Variants in BMP15 observed in about 807,000 individuals in gnomAD.
The protein encoded by BMP15 is growth/differentiation factor 9B.
A neutral mutation model predicts 4.4 loss-of-function variants in BMP15; 5 were observed. The ratio of observed to expected loss-of-function variants is 1.13; its 90% CI spans 0.59 to 2.38. The LOEUF is 2.38. BMP15 is among the 30% of genes most tolerant of loss of function. The pLI is 0.01. For missense variants in BMP15, 339 were observed against 309.8 expected, an observed-to-expected ratio of 1.09 and a Z score of -0.71; for synonymous variants, 125 against 114.6, an observed-to-expected ratio of 1.09 and a Z score of -0.58.
chrX:50,911,227 C>T (rs185515441), intron 1 of BMP15, 116 bp downstream of exon 1: 1 of 911,406 alleles, frequency 1.1e-6, no homozygotes, highest in Admixed American at 2.6e-5. Flanking sequence ...CAGGTTGTTT[C>T]TTTAGGCTTG....
rs782073370 is a variant in BMP15 at position 50,916,250 on chromosome X, T to G, written c.822T>G (p.Ala274=). The G allele has an allele frequency of 9.1e-6, 11 of 1,209,117 alleles. No individual in the cohort carries two copies. The highest frequency in any genetic ancestry group is 1.1e-5 in the Non-Finnish European group (10 of 894,961). ...RRTRQADGIS[A]EVTASSSKHS... Reference sequence around the variant, plus strand: ...CCCGACAAGCAGATGGTATCTCAGCTGAGGTTACTGCCTCTTCCTCAAAAC... The same window carrying G: ...CCCGACAAGCAGATGGTATCTCAGCGGAGGTTACTGCCTCTTCCTCAAAAC... The change falls in exon 2 of 2, where the codon GCT becomes GCG. Residue 274 remains alanine, a synonymous_variant. Transcript: ENST00000252677.
At chrX:50,913,419 C>T (rs1221247692) in intron 1 of BMP15, among the ~76,000 whole-genome samples, 1 of 110,816 alleles carries the variant, frequency 9.0e-6, no homozygotes, top group Non-Finnish European at 1.9e-5. Context: ...CATGATTGTG[C>T]CACTGCACTC....
Position 50,915,878 on chromosome X carries a change from C to T in BMP15, c.450C>T (p.Cys150=), listed in dbSNP as rs782420643. The change falls in exon 2 of 2, where the codon TGC becomes TGT. Residue 150 remains cysteine (C), a synonymous_variant. Coordinates refer to ENST00000252677, the MANE Select transcript of BMP15 (RefSeq NM_005448.2). The part of the protein sequence containing the change: ...HLQLTRFNLS[C]HVEPWVQKNP... The stretch of plus-strand genomic sequence containing the variant: ...AACTAACTCGCTTCAATCTCTCCTG[C>T]CATGTGGAGCCCTGGGTGCAGAAAA... 2.5e-6 allele frequency: 3 copies of T among 1,211,461 alleles called. No individual in the cohort carries two copies. Among genetic ancestry groups the T allele is most frequent in the Non-Finnish European group, 1.1e-6 (1 of 895,437 alleles).
At position 50,914,182 on chromosome X, in the gene BMP15, G is replaced by A. The variant is rs782232335; in HGVS notation, c.329-1575G>A. 3.6e-5 allele frequency among the ~76,000 whole-genome samples: 4 copies of A among 111,506 alleles called. No individual in the cohort carries two copies. The South Asian group carries it at 1.5e-3, about 42-fold the overall frequency. On this transcript the variant is annotated intron_variant, in intron 1 of 1. Transcript: ENST00000252677. Reference sequence around the variant, plus strand: ...AGGCAGGGTGTCACCATGTTGGCCAGGCTGGTCTCAAACTCCTGACCTCAG... The same window carrying A: ...AGGCAGGGTGTCACCATGTTGGCCAAGCTGGTCTCAAACTCCTGACCTCAG...
intron 1 of BMP15, among the ~76,000 whole-genome samples, chrX:50,915,378 A>G: frequency 9.0e-6 from 1 of 111,113 alleles, no homozygotes; most frequent in Middle Eastern, 4.6e-3. Flanking sequence ...TCTATATTTG[A>G]GTTTTTTCCC....
Position 50,916,513 on chromosome X carries a change from A to G in BMP15, c.1085A>G (p.Tyr362Cys). The G allele has an allele frequency of 8.3e-7, 1 of 1,211,459 alleles. No homozygotes were observed. The highest frequency in any genetic ancestry group is 1.1e-6 in the Non-Finnish European group (1 of 895,359). The change falls in exon 2 of 2, where the codon TAT (tyrosine) becomes TGT (cysteine). Residue 362 changes from tyrosine to cysteine, a missense_variant. Tyr to Cys is a radical substitution (Grantham distance 194). Transcript: ENST00000252677. ...VPRPSCVPYK[Y>C]VPISVLMIEA... The stretch of plus-strand genomic sequence containing the variant: ...CGGCCCTCCTGTGTCCCGTATAAGT[A>G]TGTTCCAATTAGTGTCCTTATGATT...
At position 50,915,738 on chromosome X, in the gene BMP15, T is replaced by G; in HGVS notation, c.329-19T>G. 1.7e-6 allele frequency: 2 copies of G among 1,211,316 alleles called. No homozygotes were observed. The highest frequency in any genetic ancestry group is 3.5e-5 in the South Asian group (2 of 56,944). ...GTAAGAAGCTAAACCTCTGCTCTTG[T>G]TCCCTCTTACTTCTGCAGGTACCTG... On this transcript the variant is annotated intron_variant, in intron 1 of 1. Transcript: ENST00000252677.
chrX:50,915,213 G>C (rs1031548042), intron 1 of BMP15, among the ~76,000 whole-genome samples: 3 of 111,399 alleles, frequency 2.7e-5, no homozygotes, highest in Non-Finnish European at 5.6e-5. Flanking sequence ...ACCCAATACT[G>C]AATTGTTGTC....
At chrX:50,913,741 C>G (rs1191358314) in intron 1 of BMP15, among the ~76,000 whole-genome samples, 4 of 110,761 alleles carry the variant, frequency 3.6e-5, no homozygotes, top group Non-Finnish European at 7.6e-5. Flanking sequence ...GTCAAGGTCT[C>G]AAAGAAAAGG....
chrX:50,914,062 C>A (rs1923069883), intron 1 of BMP15, among the ~76,000 whole-genome samples: 1 of 111,657 alleles, frequency 9.0e-6, no homozygotes, highest in African/African-American at 3.3e-5. Context: ...CCTCTGCCTC[C>A]CGGGTGCACG....
intron 1 of BMP15, among the ~76,000 whole-genome samples, chrX:50,913,375 C>T (rs1923053681): frequency 1.8e-5 from 2 of 111,035 alleles, no homozygotes. Context: ...ACTAGAGGAA[C>T]ATTTGAGCCT....
Position 50,911,125 on chromosome X carries a change from C to A in BMP15, c.328+14C>A. On this transcript the variant is annotated intron_variant, in intron 1 of 1. Transcript: ENST00000252677. ...GGCCTCACAGAGGTGAGTTGTTATG[C>A]CCCCATACTGCCCTGGAAGGGAGAG... 3 of 1,166,173 alleles carry A rather than the reference C, an allele frequency of 2.6e-6. No individual in the cohort carries two copies. The highest frequency in any genetic ancestry group is 3.4e-6 in the Non-Finnish European group (3 of 870,110).
chrX:50,914,137 AT>A (rs1368277403), intron 1 of BMP15, among the ~76,000 whole-genome samples: 1 of 111,137 alleles, frequency 9.0e-6, no homozygotes, highest in African/African-American at 3.3e-5. Flanking sequence ...CGCCCGGCTA[AT>A]TTTTTGTATT....
rs1464253539 is a variant in BMP15, at chrX:50,910,822, TG to T, written c.40del (p.Glu14AsnfsTer31). On this transcript the variant is annotated frameshift_variant, in exon 1 of 2. Coordinates refer to ENST00000252677, the MANE Select transcript of BMP15 (RefSeq NM_005448.2). LOFTEE classifies it high-confidence loss of function. ...GTATTCTTAGAATTCTTTTTCTTTGTGAACTCGTGCTTTTCATGGAACACAG... is the reference window on the plus strand; with the variant it reads ...GTATTCTTAGAATTCTTTTTCTTTGTAACTCGTGCTTTTCATGGAACACAG... Reference protein sequence around the residue: ...LSILRILFLCELVLFMEHRAQ... With the variant: ...LSILRILFLCXLVLFMEHRAQ... The T allele has an allele frequency of 8.3e-7, 1 of 1,208,234 alleles. No homozygotes were observed. Among genetic ancestry groups the T allele is most frequent in the African/African-American group, 1.7e-5 (1 of 57,293 alleles).
chrX:50,915,625 T>C (rs1245688525), intron 1 of BMP15, 132 bp from the exon 2 acceptor site: 2 of 804,712 alleles, frequency 2.5e-6, no homozygotes, highest in Admixed American at 2.5e-5. Context: ...CAGTAAATGA[T>C]AGTATCATTA....
Position 50,911,123 on chromosome X carries a change from T to C in BMP15, c.328+12T>C. The stretch of plus-strand genomic sequence containing the variant: ...AAGGCCTCACAGAGGTGAGTTGTTA[T>C]GCCCCCATACTGCCCTGGAAGGGAG... On this transcript the variant is annotated intron_variant, in intron 1 of 1. Coordinates refer to ENST00000252677, the MANE Select transcript of BMP15 (RefSeq NM_005448.2). 1 of 1,170,140 alleles carries C rather than the reference T, an allele frequency of 8.5e-7. No individual in the cohort carries two copies. Among genetic ancestry groups the C allele is most frequent in the African/African-American group, 1.8e-5 (1 of 56,832 alleles).
chrX:50,916,283 G>T lies in BMP15; in HGVS notation c.855G>T (p.Gly285=). 1 of 1,206,941 alleles carries T rather than the reference G, an allele frequency of 8.3e-7. No individual in the cohort carries two copies. The highest frequency in any genetic ancestry group is 1.1e-6 in the Non-Finnish European group (1 of 892,711). Residue 285 remains glycine, a synonymous_variant, in exon 2 of 2, where the codon GGG becomes GGT. Coordinates refer to ENST00000252677, the MANE Select transcript of BMP15 (RefSeq NM_005448.2). ...CTGCCTCTTCCTCAAAACATAGCGG[G>T]CCTGAAAATAACCAGTGTTCCCTCC... ...EVTASSSKHS[G]PENNQCSLHP... is the part of the protein sequence containing the mutation.
At position 50,916,453 on chromosome X, in the gene BMP15, A is replaced by G; in HGVS notation, c.1025A>G (p.Asn342Ser). The change falls in exon 2 of 2, where the codon AAC becomes AGC. Residue 342 changes from asparagine (N) to serine (S), a missense_variant. Transcript: ENST00000252677. ...TCCCCCAATCACGCCATTATTCAGA[A>G]CCTTATCAATCAGTTGGTGGACCAG... ...LNSPNHAIIQ[N>S]LINQLVDQSV... 8.3e-7 allele frequency: 1 copy of G among 1,211,450 alleles called. No individual in the cohort carries two copies.
Position 50,915,819 on chromosome X carries a change from G to T in BMP15, c.391G>T (p.Val131Phe). 1 of 1,211,387 alleles carries T rather than the reference G, an allele frequency of 8.3e-7. No homozygotes were observed. Among genetic ancestry groups the T allele is most frequent in the Non-Finnish European group, 1.1e-6 (1 of 895,387 alleles). ...LRPNRGLYQL[V>F]RATVVYRHHL... ...ACCAAACCGAGGACTATACCAACTA[G>T]TTAGAGCCACTGTGGTTTACCGCCA... is the stretch of plus-strand genomic sequence containing the variant. The change falls in exon 2 of 2, where the codon GTT becomes TTT. Residue 131 changes from valine (V) to phenylalanine (F), a missense_variant. By Grantham distance (50) the Val-to-Phe change is conservative. Coordinates refer to ENST00000252677, the MANE Select transcript of BMP15 (RefSeq NM_005448.2).
Sources: gnomAD v4.1 joint callset for allele counts (sites outside exome capture counted in the v4.1 genomes callset) on GRCh38, gnomAD v4.1.1 for gene constraint, MANE v1.5 for transcripts, NCBI Gene and HGNC (gene_info 2026-07-23, HGNC 2026-07-21) for gene names.